The following LEF1 variants were observed in gnomAD, a reference collection of about 807,000 sequenced individuals.
LEF1 encodes lymphoid enhancer binding factor 1.
A neutral mutation model predicts 51.2 loss-of-function variants in LEF1; 14 were observed. The ratio of observed to expected loss-of-function variants is 0.27; its 90% CI spans 0.18 to 0.43. The LOEUF (loss-of-function observed/expected upper bound fraction) is 0.43. Among genes scored for constraint, LEF1 ranks in the 20% least tolerant of loss-of-function variants. The pLI is 1.00. For synonymous variants in LEF1, 185 were observed against 183.2 expected (o/e 1.01, Z -0.08); for missense variants, 386 against 512.0 (o/e 0.75, Z 2.37).
intron 3 of LEF1, among the ~76,000 whole-genome samples, chr4:108,092,030 T>A (rs952582003): frequency 8.5e-5 from 13 of 152,236 alleles, no homozygotes; most frequent in African/African-American, 2.7e-4. Flanking sequence ...GAGCACCACC[T>A]TAAGGAACTT....
chr4:108,127,763 C>G (rs1742636844), intron 3 of LEF1, among the ~76,000 whole-genome samples: 1 of 152,086 alleles, frequency 6.6e-6, no homozygotes, highest in Non-Finnish European at 1.5e-5. Context: ...AGAGATGCAA[C>G]AGGGGGGTAT....
chr4:108,079,541 G>T lies in LEF1; in HGVS notation c.796C>A (p.Pro266Thr). The change falls in exon 7 of 12, where the codon CCT becomes ACT. Residue 266 changes from proline to threonine, a missense_variant. Around this residue, in one of 2 missense-constraint regions of LEF1, gnomAD observed 335 missense variants for 390.7 expected, o/e 0.86. Transcript: ENST00000265165. ...TGGGGATGTTCCTGTTTGACCTGAG[G>T]TGTTACAATAGCTGGATGAGGGATG... ...TGIPHPAIVT[P>T]QVKQEHPHTD... 6.2e-7 allele frequency: 1 copy of T among 1,614,070 alleles called. No individual in the cohort carries two copies. The highest frequency in any genetic ancestry group is 8.5e-7 in the Non-Finnish European group (1 of 1,179,942).
At chr4:108,142,093 G>A (rs1289091429) in intron 3 of LEF1, among the ~76,000 whole-genome samples, 2 of 152,128 alleles carry the variant, frequency 1.3e-5, no homozygotes, top group African/African-American at 2.4e-5. Flanking sequence ...AAAAATGATG[G>A]GGTAAGTGAT....
intron 11 of LEF1, among the ~76,000 whole-genome samples, chr4:108,057,977 GA>G (rs1737416812): frequency 6.6e-6 from 1 of 151,628 alleles, no homozygotes; most frequent in Non-Finnish European, 1.5e-5. Flanking sequence ...AGGTTCAAGT[GA>G]TTCTCCGGCC....
intron 3 of LEF1, among the ~76,000 whole-genome samples, chr4:108,141,502 G>A (rs1743651106): frequency 6.6e-6 from 1 of 152,086 alleles, no homozygotes; most frequent in African/African-American, 2.4e-5. Flanking sequence ...CCGTAATCTC[G>A]TCCTGTTTTC....
intron 3 of LEF1, among the ~76,000 whole-genome samples, chr4:108,091,234 C>A (rs1739998575): frequency 6.6e-6 from 1 of 151,934 alleles, no homozygotes; most frequent in Non-Finnish European, 1.5e-5. Context: ...TTAAAGAGGG[C>A]CCCCAAAACA....
chr4:108,136,894 T>A (rs1743298985), intron 3 of LEF1, among the ~76,000 whole-genome samples: 1 of 152,174 alleles, frequency 6.6e-6, no homozygotes. Flanking sequence ...TAGCTACCAA[T>A]AAGGGCTCTA....
chr4:108,094,891 A>T (rs1425573605), intron 3 of LEF1, among the ~76,000 whole-genome samples: 6 of 152,176 alleles, frequency 3.9e-5, no homozygotes, highest in Non-Finnish European at 8.8e-5. Flanking sequence ...AAGCCATGTA[A>T]CTTCATGCTG....
rs1430240760 is a variant in LEF1 at position 108,157,221 on chromosome 4, A to ACAC, written c.414+6346_414+6347insGTG. On this transcript the variant is annotated intron_variant, in intron 3 of 11. Transcript: ENST00000265165. ...ACACACACACACACACACACACACA[A>ACAC]ACACACATATAGCTCTTTCGCCCAG... Among the ~76,000 whole-genome samples the ACAC allele has an allele frequency of 1.3e-3, 68 of 51,486 alleles. 1 individual carries two copies. The highest frequency in any genetic ancestry group is 0.013 in the Middle Eastern group (1 of 80). The allele number at this position is 51,486 out of a possible 152,430, so 33.8% of individuals were successfully genotyped here.
At chr4:108,112,573 C>T (rs1275688610) in intron 3 of LEF1, among the ~76,000 whole-genome samples, 3 of 152,144 alleles carry the variant, frequency 2.0e-5, no homozygotes, top group Non-Finnish European at 4.4e-5. Flanking sequence ...CTTGATTTTT[C>T]CTCATTGGAA....
intron 11 of LEF1, among the ~76,000 whole-genome samples, chr4:108,056,259 G>C (rs62313561): frequency 0.042 from 6,397 of 152,316 alleles, 167 homozygotes; most frequent in Non-Finnish European, 0.062. Flanking sequence ...TCTGGGAAGG[G>C]AAGGAGGAAG....
At chr4:108,128,675 C>G (rs534618577) in intron 3 of LEF1, among the ~76,000 whole-genome samples, 3 of 151,966 alleles carry the variant, frequency 2.0e-5, no homozygotes, top group African/African-American at 7.3e-5. Flanking sequence ...GATACAGAAG[C>G]CATACCTATT....
intron 11 of LEF1, among the ~76,000 whole-genome samples, chr4:108,050,741 A>T (rs1337023217): frequency 6.6e-6 from 1 of 152,094 alleles, no homozygotes; most frequent in Non-Finnish European, 1.5e-5. Context: ...AAGCACTGGG[A>T]CTCAGAATAG....
chr4:108,166,964 C>G (rs922583427), intron 1 of LEF1, among the ~76,000 whole-genome samples: 1 of 152,060 alleles, frequency 6.6e-6, no homozygotes, highest in African/African-American at 2.4e-5. Flanking sequence ...CCCCGCAGCC[C>G]GGGTGCGCGC....
At chr4:108,134,362 C>G (rs931697407) in intron 3 of LEF1, among the ~76,000 whole-genome samples, 2 of 152,208 alleles carry the variant, frequency 1.3e-5, no homozygotes, top group African/African-American at 4.8e-5. Context: ...CGTCATACTT[C>G]TAAATTATCA....
At chr4:108,130,729 CAAAA>C (rs567555795) in intron 3 of LEF1, among the ~76,000 whole-genome samples, 3 of 99,074 alleles carry the variant, frequency 3.0e-5, no homozygotes, top group African/African-American at 3.8e-5. Context: ...GACTCCGACT[CAAAA>C]AAAAAAAAAA....
chr4:108,056,071 G>C (rs1737287638), intron 11 of LEF1, among the ~76,000 whole-genome samples: 1 of 152,216 alleles, frequency 6.6e-6, no homozygotes, highest in Non-Finnish European at 1.5e-5. Flanking sequence ...TGTACAATGT[G>C]ACCTTCTCCT....
At chr4:108,061,191 C>T (rs1022170507) in intron 11 of LEF1, among the ~76,000 whole-genome samples, 3 of 152,030 alleles carry the variant, frequency 2.0e-5, no homozygotes, top group South Asian at 2.1e-4. Context: ...GCCTCACCAG[C>T]GGCGGGATGG....
chr4:108,049,478 TA>T (rs1162274281), intron 11 of LEF1, among the ~76,000 whole-genome samples: 1 of 152,188 alleles, frequency 6.6e-6, no homozygotes, highest in Non-Finnish European at 1.5e-5. Context: ...TGATTAAAAG[TA>T]AAATGTAACA....
Sources: gnomAD v4.1 joint callset for allele counts (sites outside exome capture counted in the v4.1 genomes callset) on GRCh38, gnomAD v4.1.1 for gene constraint, gnomAD v4.1.1 regional missense constraint, MANE v1.5 for transcripts, NCBI Gene and HGNC (gene_info 2026-07-23, HGNC 2026-07-21) for gene names.